The following PCDHA3 variants were observed in gnomAD, a reference collection of about 807,000 sequenced individuals.
PCDHA3 encodes the protein protocadherin alpha 3, also known as protocadherin alpha-3.
PCDHA3 carries 41 observed loss-of-function variants against 62.2 expected under a neutral mutation model. The observed-to-expected ratio is 0.66, with a 90% confidence interval of 0.51 to 0.86. PCDHA3 has a LOEUF of 0.86. Among genes scored for constraint, PCDHA3 ranks in the 40% least tolerant of loss-of-function variants. The pLI is 0.00. For missense variants in PCDHA3, 1,304 were observed against 1,241.2 expected, an observed-to-expected ratio of 1.05 and a Z score of -0.76; for synonymous variants, 640 against 555.4, an observed-to-expected ratio of 1.15 and a Z score of -2.14.
chr5:140,998,569 GTT>G (rs71574497), intron 3 of PCDHA3, among the ~76,000 whole-genome samples: 14 of 149,410 alleles, frequency 9.4e-5, no homozygotes, highest in Admixed American at 6.7e-4. Flanking sequence ...TTGTAAATAA[GTT>G]TTTTTTTTTT....
chr5:140,987,120 A>G (rs1224513029), intron 3 of PCDHA3, among the ~76,000 whole-genome samples: 9 of 151,956 alleles, frequency 5.9e-5, no homozygotes, highest in African/African-American at 2.2e-4. Context: ...AGGCTGAGGC[A>G]GGAGAATTGC....
intron 3 of PCDHA3, among the ~76,000 whole-genome samples, chr5:141,000,385 C>CAA (rs1399640915): frequency 2.3e-4 from 15 of 64,992 alleles, no homozygotes; most frequent in African/African-American, 9.7e-4. Context: ...CTCTCTCTCT[C>CAA]TCTCTCTCTC....
At chr5:140,808,799 C>A (rs1207755540) in intron 1 of PCDHA3, 1 of 1,612,574 alleles carries the variant, frequency 6.2e-7, no homozygotes, top group East Asian at 2.2e-5. Context: ...GGTGACCGCT[C>A]GCGATGCCGG....
At chr5:140,990,705 G>A (rs2097408066) in intron 3 of PCDHA3, among the ~76,000 whole-genome samples, 1 of 152,132 alleles carries the variant, frequency 6.6e-6, no homozygotes, top group Non-Finnish European at 1.5e-5. Flanking sequence ...AGATTTATGG[G>A]GATAAGAGCA....
At chr5:140,823,280 C>T (rs150026852) in intron 1 of PCDHA3, 1 of 1,612,450 alleles carries the variant, frequency 6.2e-7, no homozygotes, top group Non-Finnish European at 8.5e-7. Context: ...GGCGAGCGCC[C>T]GCTGTCGAGT....
intron 3 of PCDHA3, among the ~76,000 whole-genome samples, chr5:140,983,533 G>A (rs1195364351): frequency 6.6e-6 from 1 of 152,208 alleles, no homozygotes; most frequent in Non-Finnish European, 1.5e-5. Flanking sequence ...TACATTGTAT[G>A]TGTGGTCTCA....
In PCDHA3 at chr5:140,802,706, G is replaced by T; in HGVS notation, c.1509G>T (p.Ala503=). The T allele has an allele frequency of 6.2e-7, 1 of 1,612,472 alleles. No individual in the cohort carries two copies. The highest frequency in any genetic ancestry group is 8.5e-7 in the Non-Finnish European group (1 of 1,179,780). The change falls in exon 1 of 4, where the codon GCG becomes GCT. Residue 503 remains alanine (A), a synonymous_variant. Transcript: ENST00000522353. ...SLVERRVGER[A]LSSYVSVHAE... is the part of the protein sequence containing the mutation. Reference sequence around the variant, plus strand: ...TGGAACGGCGGGTGGGGGAGCGCGCGCTGTCGAGCTACGTGTCGGTACACG... The same window carrying T: ...TGGAACGGCGGGTGGGGGAGCGCGCTCTGTCGAGCTACGTGTCGGTACACG...
intron 1 of PCDHA3, among the ~76,000 whole-genome samples, chr5:140,837,973 C>T (rs1397012056): frequency 6.6e-6 from 1 of 151,666 alleles, no homozygotes; most frequent in Non-Finnish European, 1.5e-5. Context: ...ACAACCACAC[C>T]CAGCCTGCCT....
intron 1 of PCDHA3, chr5:140,870,169 C>T: frequency 6.2e-7 from 1 of 1,614,140 alleles, no homozygotes; most frequent in Non-Finnish European, 8.5e-7. Flanking sequence ...TTCCTTGTCC[C>T]TCCCAGTACG....
intron 1 of PCDHA3, chr5:140,856,194 A>G (rs1299614347): frequency 1.3e-6 from 2 of 1,598,082 alleles, no homozygotes; most frequent in Non-Finnish European, 1.7e-6. Context: ...CGCATCGCGC[A>G]GGACCTGGGG....
intron 1 of PCDHA3, chr5:140,807,469 G>C (rs546275072): frequency 3.1e-6 from 5 of 1,612,860 alleles, no homozygotes. Context: ...ACCGGGAGGA[G>C]CTGTGCCGGC....
intron 1 of PCDHA3, among the ~76,000 whole-genome samples, chr5:140,907,595 A>C (rs1278261727): frequency 6.6e-6 from 1 of 152,198 alleles, no homozygotes; most frequent in African/African-American, 2.4e-5. Flanking sequence ...GATCACCCTG[A>C]GGAATGGTGC....
At chr5:140,955,705 T>G (rs1554222053) in intron 1 of PCDHA3, among the ~76,000 whole-genome samples, 1 of 152,232 alleles carries the variant, frequency 6.6e-6, no homozygotes, top group East Asian at 1.9e-4. Context: ...CAATGGAAGT[T>G]TAATAGGAAT....
intron 1 of PCDHA3, chr5:140,883,493 C>G: frequency 6.2e-7 from 1 of 1,614,174 alleles, no homozygotes; most frequent in Non-Finnish European, 8.5e-7. Flanking sequence ...CTCATTAGTG[C>G]TGGACAGCGC....
chr5:140,812,755 G>A (rs978765974), intron 1 of PCDHA3: 1 of 152,220 alleles, frequency 6.6e-6, no homozygotes, highest in African/African-American at 2.4e-5. Context: ...CACTGAGCTT[G>A]CCCAGCTTAA....
chr5:140,887,537 C>A (rs530539711), intron 1 of PCDHA3, among the ~76,000 whole-genome samples: 7 of 152,132 alleles, frequency 4.6e-5, no homozygotes, highest in African/African-American at 7.2e-5. Flanking sequence ...TTCCTCTCCC[C>A]ACCCCTCATG....
chr5:140,886,217 T>C (rs548266069), intron 1 of PCDHA3, among the ~76,000 whole-genome samples: 3 of 152,240 alleles, frequency 2.0e-5, no homozygotes, highest in African/African-American at 7.2e-5. Flanking sequence ...TTTCTCTAAT[T>C]TTGTTACTTT....
intron 1 of PCDHA3, chr5:140,861,213 A>C: frequency 6.0e-6 from 1 of 166,518 alleles, no homozygotes; most frequent in Non-Finnish European, 1.3e-5. Flanking sequence ...ACTAACCAAA[A>C]GAGAGGCATA....
intron 1 of PCDHA3, among the ~76,000 whole-genome samples, chr5:140,898,264 C>T (rs1360270871): frequency 6.6e-6 from 1 of 152,166 alleles, no homozygotes; most frequent in Non-Finnish European, 1.5e-5. Context: ...AGTCCTTGCC[C>T]ATGCCTAAGT....
Sources: gnomAD v4.1 joint callset for allele counts (sites outside exome capture counted in the v4.1 genomes callset) on GRCh38, gnomAD v4.1.1 for gene constraint, MANE v1.5 for transcripts, NCBI Gene and HGNC (gene_info 2026-07-23, HGNC 2026-07-21) for gene names.